MTSS2: variants seen among roughly 807,000 people sequenced by gnomAD.
MTSS2 encodes MTSS I-BAR domain containing 2.
In MTSS2, 27 loss-of-function variants were observed where a neutral mutation model predicts 67.1. The observed-to-expected ratio is 0.40, with a 90% CI of 0.30 to 0.55. The LOEUF (loss-of-function observed/expected upper bound fraction) is 0.55. MTSS2 is among the 20% of genes least tolerant of loss of function. MTSS2 has a pLI of 0.43. For synonymous variants in MTSS2, 624 were observed against 468.6 expected, an observed-to-expected ratio of 1.33 and a Z score of -4.28; for missense variants, 1,171 against 1,067.8, an observed-to-expected ratio of 1.10 and a Z score of -1.35.
Position 70,664,949 on chromosome 16 carries a change from G to A in MTSS2, c.1276C>T (p.Arg426Trp), listed in dbSNP as rs771076853. 21 of 1,563,174 alleles carry A rather than the reference G, an allele frequency of 1.3e-5. No individual in the cohort carries two copies. Among genetic ancestry groups the A allele is most frequent in the African/African-American group, 6.7e-5 (5 of 74,474 alleles). ...GCTGCGATGGTGGCAGGGGACATCC[G>A]GGGTCGCGGTGCCTCTTCCCCGCTG... Reference protein sequence around the residue: ...GPSGEEAPRPRMSPATIAAKH... With the variant: ...GPSGEEAPRPWMSPATIAAKH... Residue 426 changes from arginine (R) to tryptophan (W), a missense_variant, in exon 13 of 15, where the codon CGG becomes TGG. Physicochemically the swap from Arg to Trp is moderately radical, Grantham distance 101. This residue lies in a region of MTSS2 where 924 missense variants were observed against 756.0 expected (regional missense o/e 1.22). Coordinates refer to ENST00000338779, the MANE Select transcript of MTSS2 (RefSeq NM_138383.3).
chr16:70,664,040 T>C lies in MTSS2; in HGVS notation c.1881A>G (p.Ala627=). The C allele has an allele frequency of 6.2e-7, 1 of 1,609,470 alleles. No homozygotes were observed. Among genetic ancestry groups the C allele is most frequent in the Non-Finnish European group, 8.5e-7 (1 of 1,178,668 alleles). The change falls in exon 15 of 15, where the codon GCA becomes GCG. Residue 627 remains alanine, a synonymous_variant. Transcript: ENST00000338779. The stretch of plus-strand genomic sequence containing the variant: ...TTGGGGAGGCCTTGGCGAGGTCCGG[T>C]GCCAGGGGTGAGGCGGTCTCGTCGG... ...FYTDETASPL[A]PDLAKASPKR...
At chr16:70,671,576 A>ATGAC (rs1400954888) in intron 11 of MTSS2, among the ~76,000 whole-genome samples, 1 of 152,212 alleles carries the variant, frequency 6.6e-6, no homozygotes, top group Non-Finnish European at 1.5e-5. Context: ...TGTAGGAGAA[A>ATGAC]TGACAGAAAT....
Position 70,664,055 on chromosome 16 carries a change from G to A in MTSS2, c.1866C>T (p.Thr622=), listed in dbSNP as rs370570132. The A allele has an allele frequency of 1.4e-4, 231 of 1,610,672 alleles. No individual in the cohort carries two copies. In the East Asian group the frequency reaches 2.9e-3, roughly 21 times the overall value. The change falls in exon 15 of 15, where the codon ACC becomes ACT. Residue 622 remains threonine, a synonymous_variant. Transcript: ENST00000338779. ...SEECVFYTDE[T]ASPLAPDLAK... ...CGAGGTCCGGTGCCAGGGGTGAGGC[G>A]GTCTCGTCGGTATAGAAGACGCACT...
rs1167964842 is a variant in MTSS2 at position 70,676,925 on chromosome 16, G to C, written c.786C>G (p.Pro262=). The C allele has an allele frequency of 2.5e-6, 4 of 1,613,990 alleles. No homozygotes were observed. Among genetic ancestry groups the C allele is most frequent in the Admixed American group, 1.7e-5 (1 of 60,020 alleles). The change falls in exon 10 of 15, where the codon CCC becomes CCG. Residue 262 remains proline (P), a synonymous_variant. Transcript: ENST00000338779. ...SDYSWSYQTP[P]SSPSSSSSRK... ...GGGAGCTGGAGCTGCTGGGTGATGA[G>C]GGTGGGGTCTGGTAGGACCAGCTGT... is the stretch of plus-strand genomic sequence containing the variant.
At position 70,664,322 on chromosome 16, in the gene MTSS2, G is replaced by T; in HGVS notation, c.1599C>A (p.Thr533=). 6.3e-7 allele frequency: 1 copy of T among 1,595,416 alleles called. No homozygotes were observed. The change falls in exon 15 of 15, where the codon ACC becomes ACA. Residue 533 remains threonine, a synonymous_variant. Transcript: ENST00000338779. ...IAQNYRRLIQ[T]KRPASTAGLP... ...GCCCAGCAGTGGAGGCTGGGCGCTT[G>T]GTCTGGATCAGGCGGCGGTAGTTCT... is the stretch of plus-strand genomic sequence containing the variant.
At chr16:70,680,158 C>G (rs1304286141) in intron 3 of MTSS2, 103 bp from the exon 4 acceptor site, 1 of 705,948 alleles carries the variant, frequency 1.4e-6, no homozygotes, top group Non-Finnish European at 1.8e-6. Context: ...GAGCCCGCAG[C>G]CCGCGCCCTG....
Position 70,679,862 on chromosome 16 carries a change from G to A in MTSS2, c.306C>T (p.Ser102=), listed in dbSNP as rs1251749947. ...TGCGCTCCTGCAGCGGGTTGATGAG[G>A]CTCTCCAGCAGTGCGCTGCGGAGGG... ...LRQFTNALLE[S]LINPLQERIE... Residue 102 remains serine (S), a synonymous_variant, in exon 5 of 15, where the codon AGC becomes AGT. Transcript: ENST00000338779. The A allele has an allele frequency of 6.2e-7, 1 of 1,602,366 alleles. No homozygotes were observed. Among genetic ancestry groups the A allele is most frequent in the Non-Finnish European group, 8.5e-7 (1 of 1,179,244 alleles).
rs750432537 is a variant in MTSS2, at chr16:70,664,576, C to T, written c.1471+22G>A. On this transcript the variant is annotated intron_variant, in intron 14 of 14. Coordinates refer to ENST00000338779, the MANE Select transcript of MTSS2 (RefSeq NM_138383.3). The stretch of plus-strand genomic sequence containing the variant: ...GCTAAGTCCCAGCTGTCCCTGGTCC[C>T]ACCCCAGCCCCGCGGGCCTGCCTTG... 6.2e-6 allele frequency: 10 copies of T among 1,607,848 alleles called. No homozygotes were observed. The East Asian group carries it at 2.0e-4, about 32-fold the overall frequency.
chr16:70,679,926 C>T lies in MTSS2; in HGVS notation c.290+45G>A, dbSNP rs772781387. On this transcript the variant is annotated intron_variant, in intron 4 of 14. Coordinates refer to ENST00000338779, the MANE Select transcript of MTSS2 (RefSeq NM_138383.3). Reference sequence around the variant, plus strand: ...AGGTCAGGGCCGGGCTCCCCCGCGACGCCCCGTCCCCCCGCCCCCCTGCCC... The same window carrying T: ...AGGTCAGGGCCGGGCTCCCCCGCGATGCCCCGTCCCCCCGCCCCCCTGCCC... 5.3e-6 allele frequency: 8 copies of T among 1,513,038 alleles called. No individual in the cohort carries two copies. In the South Asian group the frequency reaches 7.2e-5, roughly 14 times the overall value. 93.7% of individuals were successfully genotyped at this position (1,513,038 alleles called of 1,614,324 possible).
rs1194321780 is a variant in MTSS2, at chr16:70,663,575, C to G, written c.*102G>C. On this transcript the variant is annotated 3_prime_UTR_variant, in exon 15 of 15. Transcript: ENST00000338779. ...AAGTGGCATGGCCTCTGCCCTGGCT[C>G]TGTCCTCTCTCCTGGCTGGGCCTTT... is the stretch of plus-strand genomic sequence containing the variant. The G allele has an allele frequency of 6.9e-7, 1 of 1,443,516 alleles. No homozygotes were observed. Among genetic ancestry groups the G allele is most frequent in the Non-Finnish European group, 9.1e-7 (1 of 1,098,456 alleles). The allele number at this position is 1,443,516 out of a possible 1,614,324, so 89.4% of individuals were successfully genotyped here.
chr16:70,664,750 A>G lies in MTSS2; in HGVS notation c.1319T>C (p.Val440Ala), dbSNP rs754453504. The G allele has an allele frequency of 8.1e-6, 13 of 1,610,868 alleles. No homozygotes were observed. Among genetic ancestry groups the G allele is most frequent in the Non-Finnish European group, 1.1e-5 (13 of 1,179,050 alleles). ...ATIAAKHGEE[V>A]SPAASDLAMV... Reference sequence around the variant, plus strand: ...GGCCAGGTCACTGGCGGCGGGGGACACCTCCTCACCGTGCTGAGGGTGGGA... The same window carrying G: ...GGCCAGGTCACTGGCGGCGGGGGACGCCTCCTCACCGTGCTGAGGGTGGGA... Residue 440 changes from valine (V) to alanine (A), a missense_variant, in exon 14 of 15, where the codon GTG (valine) becomes GCG (alanine). Around this residue, in one of 2 missense-constraint regions of MTSS2, gnomAD observed 924 missense variants for 756.0 expected, o/e 1.22. Coordinates refer to ENST00000338779, the MANE Select transcript of MTSS2 (RefSeq NM_138383.3).
intron 6 of MTSS2, 122 bp from the exon 7 acceptor site, chr16:70,679,445 G>T: frequency 7.6e-7 from 1 of 1,320,408 alleles, no homozygotes; most frequent in Non-Finnish European, 1.1e-6. Context: ...GCCTCCCATA[G>T]GGAGGTTCTG....
Position 70,663,192 on chromosome 16 carries a change from C to T in MTSS2, c.*485G>A, listed in dbSNP as rs558780832. On this transcript the variant is annotated 3_prime_UTR_variant, in exon 15 of 15. Coordinates refer to ENST00000338779, the MANE Select transcript of MTSS2 (RefSeq NM_138383.3). Reference sequence around the variant, plus strand: ...GCACCTGGCCCCTCCACAGCCGCCCCGCCTCCTGGAGGGAGAGGGGCCTGG... The same window carrying T: ...GCACCTGGCCCCTCCACAGCCGCCCTGCCTCCTGGAGGGAGAGGGGCCTGG... 4.8e-3 allele frequency: 771 copies of T among 160,676 alleles called. 8 individuals carry two copies. The highest frequency in any genetic ancestry group is 0.018 in the African/African-American group (744 of 41,660). The allele number at this position is 160,676 out of a possible 1,614,324, so 10.0% of individuals were successfully genotyped here.
intron 9 of MTSS2, among the ~76,000 whole-genome samples, 176 bp downstream of exon 9, chr16:70,677,616 C>T (rs866859111): frequency 1.3e-5 from 2 of 152,182 alleles, no homozygotes; most frequent in Non-Finnish European, 2.9e-5. Flanking sequence ...ATACCCTCCC[C>T]GACCTGGGCA....
intron 1 of MTSS2, 51 bp downstream of exon 1, chr16:70,685,672 G>A: frequency 8.8e-7 from 1 of 1,136,276 alleles, no homozygotes; most frequent in Middle Eastern, 2.6e-4. Context: ...CGCGTCCCCG[G>A]GGGGTCCCGC....
In MTSS2 at chr16:70,664,317, C is replaced by A; in HGVS notation, c.1604G>T (p.Arg535Leu). Residue 535 changes from arginine (R) to leucine (L), a missense_variant, in exon 15 of 15, where the codon CGC becomes CTC. Physicochemically the swap from Arg to Leu is moderately radical, Grantham distance 102. Coordinates refer to ENST00000338779, the MANE Select transcript of MTSS2 (RefSeq NM_138383.3). ...QNYRRLIQTK[R>L]PASTAGLPTA... The stretch of plus-strand genomic sequence containing the variant: ...GGGCAGCCCAGCAGTGGAGGCTGGG[C>A]GCTTGGTCTGGATCAGGCGGCGGTA... 1.3e-6 allele frequency: 2 copies of A among 1,591,842 alleles called. No individual in the cohort carries two copies. The highest frequency in any genetic ancestry group is 1.8e-5 in the Admixed American group (1 of 55,642).
chr16:70,679,932 G>GCCCCCCCCCCCCCCCCCC, intron 4 of MTSS2, 39 bp downstream of exon 4: 1 of 709,076 alleles, frequency 1.4e-6, no homozygotes, highest in Non-Finnish European at 2.2e-6. Flanking sequence ...GCGACGCCCC[G>GCCCCCCCCCCCCCCCCCC]TCCCCCCGCC....
Position 70,685,717 on chromosome 16 carries a change from G to T in MTSS2, c.69+6C>A, listed in dbSNP as rs762269217. 2.1e-5 allele frequency: 28 copies of T among 1,343,800 alleles called. No individual in the cohort carries two copies. The highest frequency in any genetic ancestry group is 1.8e-4 in the Admixed American group (8 of 44,368). 83.2% of individuals were successfully genotyped at this position (1,343,800 alleles called of 1,614,324 possible). On this transcript the variant is annotated splice_donor_region_variant and intron_variant, in intron 1 of 14. Coordinates refer to ENST00000338779, the MANE Select transcript of MTSS2 (RefSeq NM_138383.3). ...CGCGCGCCCGGCCCCGCCGCGCCCC[G>T]GTTACCTTCATGTCGTTGACTATGG...
intron 10 of MTSS2, among the ~76,000 whole-genome samples, chr16:70,675,109 G>GAA (rs113047682): frequency 1.5e-4 from 21 of 137,716 alleles, no homozygotes; most frequent in African/African-American, 3.5e-4. Context: ...GCTCTGTCTT[G>GAA]AAAAAAAAAA....
Sources: gnomAD v4.1 joint callset for allele counts (sites outside exome capture counted in the v4.1 genomes callset) on GRCh38, gnomAD v4.1.1 for gene constraint, gnomAD v4.1.1 regional missense constraint, MANE v1.5 for transcripts, NCBI Gene and HGNC (gene_info 2026-07-23, HGNC 2026-07-21) for gene names.